The following SIX3 variants were observed in gnomAD, a reference collection of about 807,000 sequenced individuals.
SIX3 encodes SIX homeobox 3.
SIX3 carries 2 observed loss-of-function variants against 21.7 expected under a neutral mutation model. The ratio of observed to expected loss-of-function variants is 0.09; its 90% CI spans 0.04 to 0.29. The LOEUF is 0.29. Among genes scored for constraint, SIX3 ranks in the 10% least tolerant of loss-of-function variants. SIX3 has a pLI of 1.00. For synonymous variants in SIX3, 243 were observed against 220.6 expected, an observed-to-expected ratio of 1.10 and a Z score of -0.90; for missense variants, 347 against 480.7, an observed-to-expected ratio of 0.72 and a Z score of 2.60.
rs1347188134 is a variant in SIX3 at position 44,944,845 on chromosome 2, C to A, written c.*85C>A. 9.7e-6 allele frequency: 12 copies of A among 1,231,624 alleles called. No individual in the cohort carries two copies. The highest frequency in any genetic ancestry group is 1.3e-5 in the Non-Finnish European group (11 of 868,012). 76.3% of individuals were successfully genotyped at this position (1,231,624 alleles called of 1,614,324 possible). A position where few individuals can be genotyped will look rare whatever the true frequency, so the allele number is the denominator to read the frequency against. On this transcript the variant is annotated 3_prime_UTR_variant, in exon 2 of 2. Coordinates refer to ENST00000260653, the MANE Select transcript of SIX3 (RefSeq NM_005413.4). ...TCCTAGCCCTCCTCCTCTTCCTCCT[C>A]TTCCTTCTCCTCCTCCATCCCCAGA...
chr2:44,944,906 T>C lies in SIX3; in HGVS notation c.*146T>C. On this transcript the variant is annotated 3_prime_UTR_variant, in exon 2 of 2. Transcript: ENST00000260653. ...ATCAGGATACCCAACCATACACACA[T>C]ACAAGTCCACACACACTCCCACCCC... 1 of 741,466 alleles carries C rather than the reference T, an allele frequency of 1.3e-6. No homozygotes were observed. The highest frequency in any genetic ancestry group is 2.7e-5 in the East Asian group (1 of 36,870). 45.9% of individuals were successfully genotyped at this position (741,466 alleles called of 1,614,324 possible). A position where few individuals can be genotyped will look rare whatever the true frequency, so the allele number is the denominator to read the frequency against.
In SIX3 at chr2:44,945,390, T is replaced by C. The variant is rs1323160005; in HGVS notation, c.*630T>C. On this transcript the variant is annotated 3_prime_UTR_variant, in exon 2 of 2. Transcript: ENST00000260653. ...CTCCTGGAGAGGGAAATAGCAAATGTGTCTTGCCTTTTGTTGCTCTCTCTC... is the reference window on the plus strand; with the variant it reads ...CTCCTGGAGAGGGAAATAGCAAATGCGTCTTGCCTTTTGTTGCTCTCTCTC... The C allele has an allele frequency of 6.9e-6, 1 of 144,932 alleles. No homozygotes were observed. Among genetic ancestry groups the C allele is most frequent in the South Asian group, 2.3e-4 (1 of 4,412 alleles). 9.0% of individuals were successfully genotyped at this position (144,932 alleles called of 1,614,324 possible).
chr2:44,941,961 C>G lies in SIX3; in HGVS notation c.-144C>G. On this transcript the variant is annotated 5_prime_UTR_variant, in exon 1 of 2. Coordinates refer to ENST00000260653, the MANE Select transcript of SIX3 (RefSeq NM_005413.4). ...TGTCCCTTACGCCCTTCCTCCTCTC[C>G]CTCCTCCTCCTGCTCCCCCCTCCTT... The G allele has an allele frequency of 1.5e-6, 1 of 671,950 alleles. No individual in the cohort carries two copies. 41.6% of individuals were successfully genotyped at this position (671,950 alleles called of 1,614,324 possible).
rs1666595391 is a variant in SIX3 at position 44,942,303 on chromosome 2, G to A, written c.199G>A (p.Gly67Ser). ...TGCTGGCGGAGCAGGCGGCGGCGGC[G>A]GCGGCGGCTCCAGGGCCCCCCCGGA... Reference protein sequence around the residue: ...GGAGGAGGGGGGGSRAPPEEL... With the variant: ...GGAGGAGGGGSGGSRAPPEEL... Residue 67 changes from glycine (G) to serine (S), a missense_variant, in exon 1 of 2, where the codon GGC becomes AGC. By Grantham distance (56) the Gly-to-Ser change is moderately conservative. Around this residue, in one of 4 missense-constraint regions of SIX3, gnomAD observed 105 missense variants for 116.1 expected, o/e 0.90. Coordinates refer to ENST00000260653, the MANE Select transcript of SIX3 (RefSeq NM_005413.4). This position sits in a 1 kb window ranked among gnomAD's most constrained non-coding sequence, Gnocchi z 8.4. 5.1e-6 allele frequency: 8 copies of A among 1,577,336 alleles called. No individual in the cohort carries two copies. Among genetic ancestry groups the A allele is most frequent in the South Asian group, 1.1e-5 (1 of 89,364 alleles).
chr2:44,944,751 T>C lies in SIX3; in HGVS notation c.990T>C (p.Cys330=). Residue 330 remains cysteine, a synonymous_variant, in exon 2 of 2, where the codon TGT becomes TGC. Transcript: ENST00000260653. ...ILSVTSSDSE[C]DV is the part of the protein sequence containing the mutation. Reference sequence around the variant, plus strand: ...CGGTAACCTCCAGCGACTCGGAATGTGATGTATGATAGCCAAGGCCGCCCT... The same window carrying C: ...CGGTAACCTCCAGCGACTCGGAATGCGATGTATGATAGCCAAGGCCGCCCT... The C allele has an allele frequency of 6.3e-7, 1 of 1,585,134 alleles. No homozygotes were observed.
At chr2:44,944,421 G>A (rs1666647506) in intron 1 of SIX3, 147 bp from the exon 2 acceptor site, 3 of 906,134 alleles carry the variant, frequency 3.3e-6, no homozygotes, top group African/African-American at 1.7e-5. Context: ...CCAAGCGGCC[G>A]GGCTCGGGTT....
chr2:44,944,923 T>A lies in SIX3; in HGVS notation c.*163T>A. On this transcript the variant is annotated 3_prime_UTR_variant, in exon 2 of 2. Coordinates refer to ENST00000260653, the MANE Select transcript of SIX3 (RefSeq NM_005413.4). ...TACACACATACAAGTCCACACACAC[T>A]CCCACCCCAGCCAAAAATATATAAA... The A allele has an allele frequency of 1.5e-6, 1 of 651,564 alleles. No homozygotes were observed. Among genetic ancestry groups the A allele is most frequent in the Non-Finnish European group, 2.7e-6 (1 of 373,744 alleles). 40.4% of individuals were successfully genotyped at this position (651,564 alleles called of 1,614,324 possible). A position where few individuals can be genotyped will look rare whatever the true frequency, so the allele number is the denominator to read the frequency against.
intron 1 of SIX3, among the ~76,000 whole-genome samples, chr2:44,944,363 C>G (rs551970790): frequency 6.6e-6 from 1 of 152,368 alleles, no homozygotes; most frequent in African/African-American, 2.4e-5. Context: ...TCTCCGACTT[C>G]TGCTTCTCCA....
chr2:44,942,932 C>G lies in SIX3; in HGVS notation c.806+22C>G, dbSNP rs747092220. 36 of 1,591,026 alleles carry G rather than the reference C, an allele frequency of 2.3e-5. No individual in the cohort carries two copies. The highest frequency in any genetic ancestry group is 2.9e-5 in the Non-Finnish European group (34 of 1,176,432). ...ACAGGTTAGTGGCGGGGCCCGCGGC[C>G]TGGCTACAGCCTCAGAGGCCTGGGA... On this transcript the variant is annotated intron_variant, in intron 1 of 1. Transcript: ENST00000260653. This position sits in a 1 kb window ranked among gnomAD's most constrained non-coding sequence, Gnocchi z 8.4.
At position 44,942,491 on chromosome 2, in the gene SIX3, G is replaced by A. The variant is rs1164238885; in HGVS notation, c.387G>A (p.Glu129=). Reference sequence around the variant, plus strand: ...CGTGCGAGGCCATCAACAAACACGAGTCGATCCTGCGCGCGCGCGCCGTGG... The same window carrying A: ...CGTGCGAGGCCATCAACAAACACGAATCGATCCTGCGCGCGCGCGCCGTGG... ...PGACEAINKH[E]SILRARAVVA... The change falls in exon 1 of 2, where the codon GAG becomes GAA. Residue 129 remains glutamate, a synonymous_variant. Transcript: ENST00000260653. This position sits in a 1 kb window ranked among gnomAD's most constrained non-coding sequence, Gnocchi z 8.4. 30 of 1,598,148 alleles carry A rather than the reference G, an allele frequency of 1.9e-5. No homozygotes were observed. The highest frequency in any genetic ancestry group is 2.4e-5 in the Non-Finnish European group (28 of 1,179,714).
intron 1 of SIX3, among the ~76,000 whole-genome samples, chr2:44,943,527 G>A (rs753144239): frequency 1.3e-5 from 2 of 152,248 alleles, no homozygotes; most frequent in Non-Finnish European, 2.9e-5. Context: ...TCCTGTTTCA[G>A]CCGAGGAGAA....
chr2:44,944,806 C>T lies in SIX3; in HGVS notation c.*46C>T. On this transcript the variant is annotated 3_prime_UTR_variant, in exon 2 of 2. Coordinates refer to ENST00000260653, the MANE Select transcript of SIX3 (RefSeq NM_005413.4). ...CCTCTCCTTCCCCTCCTCCCCCACT[C>T]CTTCCCCTCCGCCTCCTAGCCCTCC... 1 of 1,495,062 alleles carries T rather than the reference C, an allele frequency of 6.7e-7. No individual in the cohort carries two copies. Among genetic ancestry groups the T allele is most frequent in the Non-Finnish European group, 9.0e-7 (1 of 1,106,546 alleles). 92.6% of individuals were successfully genotyped at this position (1,495,062 alleles called of 1,614,324 possible). A position where few individuals can be genotyped will look rare whatever the true frequency, so the allele number is the denominator to read the frequency against.
Position 44,942,280 on chromosome 2 carries a change from C to T in SIX3, c.176C>T (p.Ala59Val). ...GGGAACGGTGCGGGAGGCGGCGGTG[C>T]TGGCGGAGCAGGCGGCGGCGGCGGC... ...GGGNGAGGGG[A>V]GGAGGGGGGG... Residue 59 changes from alanine to valine, a missense_variant, in exon 1 of 2, where the codon GCT becomes GTT. Ala to Val is a moderately conservative substitution (Grantham distance 64, BLOSUM62 0). This residue lies in a region of SIX3 where 105 missense variants were observed against 116.1 expected (regional missense o/e 0.90). Transcript: ENST00000260653. The surrounding 1 kb of genome is among the most constrained non-coding windows in gnomAD (Gnocchi z 8.4). 1.3e-6 allele frequency: 2 copies of T among 1,543,950 alleles called. No homozygotes were observed. Among genetic ancestry groups the T allele is most frequent in the Admixed American group, 1.9e-5 (1 of 53,044 alleles).
Position 44,943,991 on chromosome 2 carries a change from A to G in SIX3, c.807-577A>G, listed in dbSNP as rs137883503. Among the ~76,000 whole-genome samples the G allele has an allele frequency of 1.3e-4, 20 of 152,276 alleles. No individual in the cohort carries two copies. The East Asian group carries it at 3.9e-3, about 29-fold the overall frequency. On this transcript the variant is annotated intron_variant, in intron 1 of 1. Coordinates refer to ENST00000260653, the MANE Select transcript of SIX3 (RefSeq NM_005413.4). ...GTCAAGCCAAGGCCTCCTTGTGGAG[A>G]GAATTCCAGACACCAGGTCCAGGCA... is the stretch of plus-strand genomic sequence containing the variant.
In SIX3 at chr2:44,942,529, C is replaced by T. The variant is rs1250116628; in HGVS notation, c.425C>T (p.Thr142Met). Residue 142 changes from threonine (T) to methionine (M), a missense_variant, in exon 1 of 2, where the codon ACG (threonine) becomes ATG (methionine). Thr to Met is a moderately conservative substitution (Grantham distance 81). Around this residue, in one of 4 missense-constraint regions of SIX3, gnomAD observed 117 missense variants for 205.9 expected, o/e 0.57. Transcript: ENST00000260653. This position sits in a 1 kb window ranked among gnomAD's most constrained non-coding sequence, Gnocchi z 8.4. ...LRARAVVAFHTGNFRDLYHIL... is the reference protein window; with the variant it reads ...LRARAVVAFHMGNFRDLYHIL... ...GCGCGCGCCGTGGTCGCCTTCCACA[C>T]GGGCAACTTCCGCGACCTCTACCAC... 2 of 1,598,564 alleles carry T rather than the reference C, an allele frequency of 1.3e-6. No homozygotes were observed. The highest frequency in any genetic ancestry group is 1.7e-4 in the Middle Eastern group (1 of 6,060).
rs1425091624 is a variant in SIX3, at chr2:44,945,406, G to T, written c.*646G>T. On this transcript the variant is annotated 3_prime_UTR_variant, in exon 2 of 2. Transcript: ENST00000260653. ...TAGCAAATGTGTCTTGCCTTTTGTT[G>T]CTCTCTCTCTCTTTTTTTTTCTCTC... 3 of 117,626 alleles carry T rather than the reference G, an allele frequency of 2.6e-5. No homozygotes were observed. Among genetic ancestry groups the T allele is most frequent in the African/African-American group, 1.1e-4 (3 of 27,260 alleles). The allele number at this position is 117,626 out of a possible 1,614,324, so 7.3% of individuals were successfully genotyped here.
At position 44,942,634 on chromosome 2, in the gene SIX3, C is replaced by T. The variant is rs768497950; in HGVS notation, c.530C>T (p.Ala177Val). 2 of 1,596,312 alleles carry T rather than the reference C, an allele frequency of 1.3e-6. No individual in the cohort carries two copies. The highest frequency in any genetic ancestry group is 1.1e-5 in the South Asian group (1 of 90,652). Residue 177 changes from alanine (A) to valine (V), a missense_variant, in exon 1 of 2, where the codon GCC becomes GTC. Ala to Val is a moderately conservative substitution (Grantham distance 64). Coordinates refer to ENST00000260653, the MANE Select transcript of SIX3 (RefSeq NM_005413.4). This position sits in a 1 kb window ranked among gnomAD's most constrained non-coding sequence, Gnocchi z 8.4. The stretch of plus-strand genomic sequence containing the variant: ...TGGCTCGAGGCGCACTACCAGGAGG[C>T]CGAGAAGCTGCGCGGCCGCCCACTC... ...AMWLEAHYQE[A>V]EKLRGRPLGP...
chr2:44,943,819 C>T (rs937949467), intron 1 of SIX3, among the ~76,000 whole-genome samples: 1 of 152,186 alleles, frequency 6.6e-6, no homozygotes, highest in Non-Finnish European at 1.5e-5. Context: ...GGAGCAGGAC[C>T]CCCAGCTGCT....
intron 1 of SIX3, among the ~76,000 whole-genome samples, chr2:44,943,549 C>A (rs909163010): frequency 3.7e-4 from 56 of 152,222 alleles, no homozygotes; most frequent in Non-Finnish European, 2.9e-5. Flanking sequence ...CCCTTTGGTC[C>A]TCTAAGCTGG....
Sources: allele counts gnomAD v4.1 joint callset (sites outside exome capture counted in the v4.1 genomes callset), GRCh38; gene constraint gnomAD v4.1.1; regional missense constraint gnomAD v4.1.1; non-coding constraint Gnocchi (gnomAD v3.1); transcripts MANE v1.5; gene names NCBI Gene and HGNC (gene_info 2026-07-23, HGNC 2026-07-21).